EMP2: variants seen among roughly 807,000 people sequenced by gnomAD.
EMP2 encodes epithelial membrane protein 2.
Under a neutral mutation model 13.7 loss-of-function variants are expected in EMP2, and 19 were observed. The observed-to-expected ratio is 1.38, with a 90% CI of 0.97 to 2.03. The LOEUF (loss-of-function observed/expected upper bound fraction) is 2.03, where lower values mean the gene tolerates loss of function less well. Among genes scored for constraint, EMP2 ranks in the 30% most tolerant of loss-of-function variants. The pLI is 0.00. For missense variants in EMP2, 253 were observed against 220.7 expected (o/e 1.15, Z -0.93); for synonymous variants, 97 against 84.7 (o/e 1.15, Z -0.80).
At chr16:10,566,479 C>A (rs370577926) in intron 1 of EMP2, among the ~76,000 whole-genome samples, 7 of 152,162 alleles carry the variant, frequency 4.6e-5, no homozygotes, top group Non-Finnish European at 8.8e-5. Flanking sequence ...TAAGACTCCC[C>A]CCTTGATGAA....
chr16:10,560,878 G>T (rs2050866698), intron 1 of EMP2, among the ~76,000 whole-genome samples: 1 of 152,198 alleles, frequency 6.6e-6, no homozygotes, highest in Admixed American at 6.5e-5. Flanking sequence ...ACTCTCCACT[G>T]ACCAAGAAGC....
chr16:10,535,821 G>A (rs918776324), intron 4 of EMP2, among the ~76,000 whole-genome samples: 1 of 152,216 alleles, frequency 6.6e-6, no homozygotes, highest in Non-Finnish European at 1.5e-5. Flanking sequence ...AGGGGGATCA[G>A]ACACCTCCTG....
intron 1 of EMP2, among the ~76,000 whole-genome samples, chr16:10,558,554 G>C (rs970922936): frequency 6.6e-6 from 1 of 151,978 alleles, no homozygotes; most frequent in African/African-American, 2.4e-5. Context: ...CCTTCTGGAG[G>C]CTCACTGGCC....
At chr16:10,571,492 C>T (rs1202315154) in intron 1 of EMP2, among the ~76,000 whole-genome samples, 1 of 151,976 alleles carries the variant, frequency 6.6e-6, no homozygotes, top group African/African-American at 2.4e-5. Context: ...TCCAGATTCC[C>T]CAGGAGATTC....
At chr16:10,539,254 G>C (rs2050675453) in intron 3 of EMP2, among the ~76,000 whole-genome samples, 1 of 124,402 alleles carries the variant, frequency 8.0e-6, no homozygotes, top group Admixed American at 8.1e-5. Flanking sequence ...TTTTCTTTCT[G>C]TCTTTTTTTT....
rs200358410 is a variant in EMP2 at position 10,543,652 on chromosome 16, C to A, written c.87G>T (p.Trp29Cys). The A allele has an allele frequency of 6.2e-7, 1 of 1,614,206 alleles. No homozygotes were observed. The highest frequency in any genetic ancestry group is 1.1e-5 in the South Asian group (1 of 91,082). Residue 29 changes from tryptophan (W) to cysteine (C), a missense_variant, in exon 3 of 5, where the codon TGG (tryptophan) becomes TGT (cysteine). Physicochemically the swap from Trp to Cys is radical, Grantham distance 215. Transcript: ENST00000359543. ...LFIATVDNAWWVGDEFFADVW... is the reference protein window; with the variant it reads ...LFIATVDNAWCVGDEFFADVW... ...CATCTGCAAAAAACTCATCTCCTACCCACCAGGCCTGTAACACAAAATGGA... is the reference window on the plus strand; with the variant it reads ...CATCTGCAAAAAACTCATCTCCTACACACCAGGCCTGTAACACAAAATGGA...
At position 10,554,801 on chromosome 16, in the gene EMP2, G is replaced by A. The variant is rs117514313; in HGVS notation, c.-60-7124C>T. On this transcript the variant is annotated intron_variant, in intron 1 of 4. Coordinates refer to ENST00000359543, the MANE Select transcript of EMP2 (RefSeq NM_001424.6). ...CACGGTTCCCTGGAGCGGTCTCTCCGTTTCACCCTCAGCTGGCTCTCTGGC... is the reference window on the plus strand; with the variant it reads ...CACGGTTCCCTGGAGCGGTCTCTCCATTTCACCCTCAGCTGGCTCTCTGGC... Among the ~76,000 whole-genome samples, 15 of 152,060 alleles carry A rather than the reference G, an allele frequency of 9.9e-5. No homozygotes were observed. The East Asian group carries it at 2.5e-3, about 25-fold the overall frequency.
intron 3 of EMP2, among the ~76,000 whole-genome samples, chr16:10,538,554 G>A (rs1313186398): frequency 1.3e-5 from 2 of 152,130 alleles, no homozygotes; most frequent in African/African-American, 2.4e-5. Flanking sequence ...TGTAGGTATC[G>A]GAGGCTGATC....
intron 1 of EMP2, among the ~76,000 whole-genome samples, chr16:10,555,855 G>A (rs1267260092): frequency 6.6e-6 from 1 of 152,274 alleles, no homozygotes; most frequent in East Asian, 1.9e-4. Flanking sequence ...CCAAAGTGCT[G>A]GGATTATAGG....
chr16:10,548,463 A>G (rs1443771008), intron 1 of EMP2, among the ~76,000 whole-genome samples: 6 of 152,146 alleles, frequency 3.9e-5, no homozygotes, highest in Non-Finnish European at 8.8e-5. Context: ...GGCCAAGGCA[A>G]GAGGATGTTA....
chr16:10,566,671 C>T (rs570609973), intron 1 of EMP2, among the ~76,000 whole-genome samples: 44 of 152,336 alleles, frequency 2.9e-4, no homozygotes, highest in Non-Finnish European at 5.1e-4. Flanking sequence ...TCTCCAACCA[C>T]GAAGTCAGTT....
intron 1 of EMP2, among the ~76,000 whole-genome samples, chr16:10,549,323 G>A (rs182907419): frequency 1.3e-5 from 2 of 152,222 alleles, no homozygotes; most frequent in Non-Finnish European, 2.9e-5. Flanking sequence ...AGCCACTGAG[G>A]GCATGAATAC....
chr16:10,543,763 C>T (rs1008608725), intron 2 of EMP2, 103 bp from the exon 3 acceptor site: 1 of 1,066,300 alleles, frequency 9.4e-7, no homozygotes, highest in East Asian at 2.4e-5. Flanking sequence ...GATTCTCAAA[C>T]TGCAACACAT....
rs551062317 is a variant in EMP2 at position 10,530,635 on chromosome 16, G to A, written c.*2270C>T. On this transcript the variant is annotated 3_prime_UTR_variant, in exon 5 of 5. Transcript: ENST00000359543. ...ATCATGCTTTGATCCTGAAGGACAA[G>A]GCCCCAAAAGCCCTATTTCTCAGCA... 6.5e-6 allele frequency: 1 copy of A among 152,732 alleles called. No individual in the cohort carries two copies. The allele number at this position is 152,732 out of a possible 1,614,324, so 9.5% of individuals were successfully genotyped here.
chr16:10,539,583 T>C (rs2050678422), intron 3 of EMP2, among the ~76,000 whole-genome samples: 1 of 152,166 alleles, frequency 6.6e-6, no homozygotes, highest in Non-Finnish European at 1.5e-5. Flanking sequence ...CCCGAGGAAC[T>C]TTCTGGAGAG....
At chr16:10,574,517 G>A (rs2050969255) in intron 1 of EMP2, among the ~76,000 whole-genome samples, 1 of 151,576 alleles carries the variant, frequency 6.6e-6, no homozygotes, top group Non-Finnish European at 1.5e-5. Flanking sequence ...TGCTCCTCCA[G>A]CAGGGTCCCT....
intron 2 of EMP2, chr16:10,547,223 C>A: frequency 4.6e-6 from 1 of 217,586 alleles, no homozygotes; most frequent in Non-Finnish European, 9.1e-6. Flanking sequence ...GTAACTGAAT[C>A]ATGGGAGCAA....
chr16:10,540,288 C>G (rs1013823857), intron 3 of EMP2, among the ~76,000 whole-genome samples: 2 of 152,082 alleles, frequency 1.3e-5, no homozygotes, highest in African/African-American at 4.8e-5. Flanking sequence ...GGTGGATCAC[C>G]TGAGGTCAGG....
At chr16:10,555,103 C>T (rs777326087) in intron 1 of EMP2, among the ~76,000 whole-genome samples, 2 of 152,062 alleles carry the variant, frequency 1.3e-5, no homozygotes, top group Middle Eastern at 3.2e-3. Context: ...TTAACAGAAA[C>T]GAAGGAGGGC....
Sources: allele counts gnomAD v4.1 joint callset (sites outside exome capture counted in the v4.1 genomes callset), GRCh38; gene constraint gnomAD v4.1.1; transcripts MANE v1.5; gene names NCBI Gene and HGNC (gene_info 2026-07-23, HGNC 2026-07-21).